The following DCLRE1C variants were observed in gnomAD, a reference collection of about 807,000 sequenced individuals.
DCLRE1C encodes the protein protein artemis.
Under a neutral mutation model 61.4 loss-of-function variants are expected in DCLRE1C, and 47 were observed. That is an observed-to-expected ratio of 0.77 (90% CI 0.61 to 0.98). The LOEUF is 0.98. Ranked by LOEUF, DCLRE1C falls within the 50% of genes least tolerant of loss-of-function variation. The pLI, the probability that DCLRE1C is intolerant of heterozygous loss-of-function variation, is 0.00. For missense variants in DCLRE1C, 858 were observed against 816.0 expected, an observed-to-expected ratio of 1.05 and a Z score of -0.63; for synonymous variants, 337 against 287.6, an observed-to-expected ratio of 1.17 and a Z score of -1.74.
chr10:14,954,318 C>A, upstream of DCLRE1C: 1 of 485,814 alleles, frequency 2.1e-6, no homozygotes, highest in Non-Finnish European at 3.8e-6. Context: ...AGGCGTTGCC[C>A]ATGTCTGTGG....
At position 14,954,084 on chromosome 10, in the gene DCLRE1C, C is replaced by A; in HGVS notation, c.-74G>T. 1 of 1,603,946 alleles carries A rather than the reference C, an allele frequency of 6.2e-7. No homozygotes were observed. The highest frequency in any genetic ancestry group is 1.7e-4 in the Middle Eastern group (1 of 6,044). ...AAGGCCAGCCCTGACCGCGCCGCCA[C>A]TTCCGGGAAGCCGCGCGCTGCCTCG... On this transcript the variant is annotated 5_prime_UTR_variant, in exon 1 of 14. Transcript: ENST00000378278.
At chr10:14,912,714 G>C (rs555098843) in intron 13 of DCLRE1C, among the ~76,000 whole-genome samples, 1 of 152,232 alleles carries the variant, frequency 6.6e-6, no homozygotes, top group South Asian at 2.1e-4. Context: ...TTTTGAGACA[G>C]AGTCTCGCTC....
At chr10:14,945,002 A>G in intron 3 of DCLRE1C, 103 bp downstream of exon 3, 1 of 806,770 alleles carries the variant, frequency 1.2e-6, no homozygotes, top group Non-Finnish European at 2.0e-6. Flanking sequence ...ATTAATGTGG[A>G]TAACTGAAGT....
At chr10:14,935,642 C>G (rs775138360) in intron 5 of DCLRE1C, 78 bp from the exon 6 acceptor site, 45 of 1,338,544 alleles carry the variant, frequency 3.4e-5, no homozygotes, top group Non-Finnish European at 3.9e-5. Flanking sequence ...GAGCTGCATA[C>G]TAAATGCTTC....
At chr10:14,952,992 G>A (rs1029011853) in intron 1 of DCLRE1C, among the ~76,000 whole-genome samples, 1 of 152,198 alleles carries the variant, frequency 6.6e-6, no homozygotes, top group Non-Finnish European at 1.5e-5. Flanking sequence ...TACTGCGCAG[G>A]TACAGATAGG....
At chr10:14,940,425 A>T (rs1840687568) in intron 3 of DCLRE1C, among the ~76,000 whole-genome samples, 1 of 151,572 alleles carries the variant, frequency 6.6e-6, no homozygotes, top group South Asian at 2.1e-4. Context: ...AGTAGCTGGG[A>T]TGACAGGCGC....
At chr10:14,899,365 T>G (rs1035049562) in intron 13 of DCLRE1C, 12 of 727,202 alleles carry the variant, frequency 1.7e-5, no homozygotes, top group African/African-American at 1.6e-4. Flanking sequence ...TTTCTTCCCC[T>G]CATTTTCCCA....
chr10:14,945,473 G>C, intron 2 of DCLRE1C: 2 of 1,169,340 alleles, frequency 1.7e-6, no homozygotes, highest in Non-Finnish European at 1.1e-6. Context: ...AGCACAAGGT[G>C]GGGGTGGAAA....
chr10:14,947,936 G>A (rs375521317), intron 2 of DCLRE1C, among the ~76,000 whole-genome samples: 5 of 152,306 alleles, frequency 3.3e-5, no homozygotes, highest in African/African-American at 1.2e-4. Flanking sequence ...GTGGGTGCCT[G>A]TAATCCCAGC....
At chr10:14,899,264 G>A in exon 14 of DCLRE1C, 1 of 702,066 alleles carries the variant, frequency 1.4e-6, no homozygotes. Flanking sequence ...AGGATACAGG[G>A]AGTCATGATG....
intron 9 of DCLRE1C, among the ~76,000 whole-genome samples, chr10:14,928,651 T>C (rs373437610): frequency 9.2e-5 from 14 of 152,254 alleles, no homozygotes; most frequent in African/African-American, 3.4e-4. Flanking sequence ...GCTGAAGGAT[T>C]TGGGGTGACG....
intron 3 of DCLRE1C, among the ~76,000 whole-genome samples, chr10:14,943,592 A>G (rs1251467292): frequency 1.3e-5 from 2 of 152,088 alleles, no homozygotes; most frequent in Non-Finnish European, 2.9e-5. Context: ...TCGCTCTGTC[A>G]CCCAGGCTGG....
rs557458530 is a variant in DCLRE1C, at chr10:14,906,845, A to G, written c.*1563T>C. The stretch of plus-strand genomic sequence containing the variant: ...ACATTGATGGACTTCAAGAATGTTG[A>G]ATGACTCACAGAATAACACATATAC... On this transcript the variant is annotated 3_prime_UTR_variant, in exon 14 of 14. Transcript: ENST00000378278. Among the ~76,000 whole-genome samples, 8 of 152,110 alleles carry G rather than the reference A, an allele frequency of 5.3e-5. No individual in the cohort carries two copies. Among genetic ancestry groups the G allele is most frequent in the Non-Finnish European group, 8.8e-5 (6 of 68,022 alleles).
chr10:14,902,379 C>T (rs1359302492), downstream of DCLRE1C: 4 of 1,460,930 alleles, frequency 2.7e-6, no homozygotes, highest in Non-Finnish European at 3.8e-6. Flanking sequence ...CTCTCTTTCT[C>T]CTATATTTCT....
chr10:14,934,757 A>C lies in DCLRE1C; in HGVS notation c.483T>G (p.Ser161Arg). ...CACAGAACGTAGTATCCAAATATAC[A>C]CTTTGGATGTCTTTGACTCTGAAAA... The part of the protein sequence containing the change: ...HSGGRVKDIQ[S>R]VYLDTTFCDP... The change falls in exon 7 of 14, where the codon AGT becomes AGG. Residue 161 changes from serine (S) to arginine (R), a missense_variant. Ser to Arg is a moderately radical substitution (Grantham distance 110, BLOSUM62 -1). Around this residue, in one of 2 missense-constraint regions of DCLRE1C, gnomAD observed 843 missense variants for 783.5 expected, o/e 1.08. Coordinates refer to ENST00000378278, the MANE Select transcript of DCLRE1C (RefSeq NM_001033855.3). 1 of 1,612,748 alleles carries C rather than the reference A, an allele frequency of 6.2e-7. No homozygotes were observed. The highest frequency in any genetic ancestry group is 8.5e-7 in the Non-Finnish European group (1 of 1,178,730).
intron 12 of DCLRE1C, 85 bp downstream of exon 12, chr10:14,922,896 G>A: frequency 2.1e-6 from 2 of 965,712 alleles, no homozygotes; most frequent in South Asian, 2.6e-5. Context: ...TTCTAGACTT[G>A]TAAACATTCA....
rs1030723238 is a variant in DCLRE1C, at chr10:14,949,186, C to G, written c.110-99G>C. ...TTCTTTTTCAGCTTCAAGAGAAAAC[C>G]CATGAGGTTTGCTTTTATAAGAATT... On this transcript the variant is annotated intron_variant, in intron 1 of 13. Coordinates refer to ENST00000378278, the MANE Select transcript of DCLRE1C (RefSeq NM_001033855.3). 4.7e-5 allele frequency: 39 copies of G among 826,822 alleles called. 1 individual carries two copies. Among genetic ancestry groups the G allele is most frequent in the Middle Eastern group, 5.9e-4 (2 of 3,402 alleles). 51.2% of individuals were successfully genotyped at this position (826,822 alleles called of 1,614,324 possible).
rs1372293219 is a variant in DCLRE1C at position 14,934,805 on chromosome 10, T to A, written c.465-30A>T. On this transcript the variant is annotated intron_variant, in intron 6 of 13. Coordinates refer to ENST00000378278, the MANE Select transcript of DCLRE1C (RefSeq NM_001033855.3). ...AAAGAAAAAAAATTGATGTTAGCCA[T>A]CCAATGTGATATAAATTATGTGTAA... 3.3e-6 allele frequency: 5 copies of A among 1,505,436 alleles called. No homozygotes were observed. In the East Asian group the frequency reaches 9.0e-5, roughly 27 times the overall value. 93.3% of individuals were successfully genotyped at this position (1,505,436 alleles called of 1,614,324 possible). A position where few individuals can be genotyped will look rare whatever the true frequency, so the allele number is the denominator to read the frequency against.
At chr10:14,936,086 G>T (rs1455178569) in intron 5 of DCLRE1C, among the ~76,000 whole-genome samples, 1 of 151,912 alleles carries the variant, frequency 6.6e-6, no homozygotes, top group Non-Finnish European at 1.5e-5. Context: ...TAAAGTCAAG[G>T]TTTCACCATG....
Sources: allele counts gnomAD v4.1 joint callset (sites outside exome capture counted in the v4.1 genomes callset), GRCh38; gene constraint gnomAD v4.1.1; regional missense constraint gnomAD v4.1.1; transcripts MANE v1.5; gene names NCBI Gene and HGNC (gene_info 2026-07-23, HGNC 2026-07-21).